RORA: variants seen among roughly 807,000 people sequenced by gnomAD.
RORA encodes the protein RAR related orphan receptor A.
Under a neutral mutation model 69.5 loss-of-function variants are expected in RORA, and 7 were observed. The ratio of observed to expected loss-of-function variants is 0.10; its 90% CI spans 0.06 to 0.19. The LOEUF (loss-of-function observed/expected upper bound fraction) is 0.19, where lower values mean the gene tolerates loss of function less well. Among genes scored for constraint, RORA ranks in the 10% least tolerant of loss-of-function variants. The pLI is 1.00. For missense variants in RORA, 457 were observed against 663.0 expected, an observed-to-expected ratio of 0.69 and a Z score of 3.41; for synonymous variants, 261 against 240.8, an observed-to-expected ratio of 1.08 and a Z score of -0.78.
intron 2 of RORA, among the ~76,000 whole-genome samples, chr15:60,605,135 C>A (rs1029626760): frequency 1.3e-5 from 2 of 152,004 alleles, no homozygotes; most frequent in Admixed American, 6.6e-5. Context: ...TTCTGTCAAC[C>A]TAGCTATGTT....
chr15:60,810,458 T>C (rs12441037), intron 1 of RORA, among the ~76,000 whole-genome samples: 10,585 of 150,396 alleles, frequency 0.07, 434 homozygotes, highest in African/African-American at 0.12. Context: ...CCCCTTACAC[T>C]GGGCATTTGA....
chr15:60,939,128 C>T (rs1213546070), intron 1 of RORA, among the ~76,000 whole-genome samples: 1 of 152,238 alleles, frequency 6.6e-6, no homozygotes, highest in African/African-American at 2.4e-5. Context: ...TCCACTTTGG[C>T]CTTAGTGCTC....
chr15:61,003,152 A>T (rs1008452614), intron 1 of RORA, among the ~76,000 whole-genome samples: 1 of 151,844 alleles, frequency 6.6e-6, no homozygotes, highest in Non-Finnish European at 1.5e-5. Flanking sequence ...AAAAAAAGGA[A>T]AAAAAAGAAA....
At chr15:61,118,421 G>C (rs933377799) in intron 1 of RORA, among the ~76,000 whole-genome samples, 3 of 152,170 alleles carry the variant, frequency 2.0e-5, no homozygotes, top group African/African-American at 7.2e-5. Context: ...GAGTTCTTTT[G>C]CATCTCTGGT....
At chr15:60,832,798 C>T (rs1241471461) in intron 1 of RORA, among the ~76,000 whole-genome samples, 2 of 152,104 alleles carry the variant, frequency 1.3e-5, no homozygotes, top group Admixed American at 6.6e-5. Context: ...GACTGAAGTC[C>T]GAGGCTTTAC....
At chr15:60,540,183 T>C (rs971162130) in intron 2 of RORA, among the ~76,000 whole-genome samples, 15 of 152,304 alleles carry the variant, frequency 9.8e-5, no homozygotes, top group Admixed American at 2.6e-4. Context: ...TCAACCTCAC[T>C]CTAGATACCA....
chr15:60,634,571 AT>A (rs1596083233), intron 2 of RORA, among the ~76,000 whole-genome samples: 1 of 148,404 alleles, frequency 6.7e-6, no homozygotes, highest in East Asian at 1.9e-4. Flanking sequence ...CGCCCGGCTA[AT>A]TTTTGTGTTT....
intron 1 of RORA, among the ~76,000 whole-genome samples, chr15:60,707,666 G>A (rs1020315024): frequency 1.3e-5 from 2 of 152,110 alleles, no homozygotes; most frequent in Non-Finnish European, 2.9e-5. Context: ...CCTGGCCCAC[G>A]GTCATCTATT....
chr15:61,223,834 GA>G (rs1392547457), intron 1 of RORA, among the ~76,000 whole-genome samples: 1 of 152,126 alleles, frequency 6.6e-6, no homozygotes, highest in Non-Finnish European at 1.5e-5. Flanking sequence ...CACCCTTAGA[GA>G]AAAATCATGG....
At chr15:60,603,301 T>C (rs1389089505) in intron 2 of RORA, among the ~76,000 whole-genome samples, 1 of 152,230 alleles carries the variant, frequency 6.6e-6, no homozygotes. Context: ...TGTTAGATCA[T>C]ATGGGATGGA....
chr15:60,741,547 G>T (rs1197793552), intron 1 of RORA, among the ~76,000 whole-genome samples: 1 of 152,190 alleles, frequency 6.6e-6, no homozygotes, highest in Non-Finnish European at 1.5e-5. Flanking sequence ...TCAGAGGGTT[G>T]TGTTCCAGGG....
intron 1 of RORA, among the ~76,000 whole-genome samples, chr15:60,929,465 G>A (rs903669450): frequency 1.3e-5 from 2 of 152,200 alleles, no homozygotes; most frequent in South Asian, 4.1e-4. Flanking sequence ...GAGCAACGAG[G>A]TTATTTCCAT....
intron 1 of RORA, among the ~76,000 whole-genome samples, chr15:61,205,777 C>G (rs1357219504): frequency 6.6e-6 from 1 of 152,152 alleles, no homozygotes; most frequent in South Asian, 2.1e-4. Flanking sequence ...CTGCTTGCTA[C>G]CTCCCACCTC....
chr15:60,920,793 C>T (rs144075056), intron 1 of RORA, among the ~76,000 whole-genome samples: 4,133 of 152,256 alleles, frequency 0.027, 74 homozygotes, highest in Non-Finnish European at 0.042. Context: ...ATAGTTTAAA[C>T]AATTATGTTC....
chr15:60,593,931 C>T (rs1416898779), intron 2 of RORA, among the ~76,000 whole-genome samples: 4 of 152,148 alleles, frequency 2.6e-5, no homozygotes, highest in Non-Finnish European at 5.9e-5. Flanking sequence ...CATACACTCC[C>T]TCCCCAGCCC....
chr15:60,750,274 G>C (rs956691275), intron 1 of RORA, among the ~76,000 whole-genome samples: 4 of 152,104 alleles, frequency 2.6e-5, no homozygotes, highest in South Asian at 2.1e-4. Flanking sequence ...AGCTGAGAAA[G>C]GACTCACTCT....
At chr15:61,021,840 C>T (rs577199759) in intron 1 of RORA, among the ~76,000 whole-genome samples, 5 of 152,282 alleles carry the variant, frequency 3.3e-5, no homozygotes, top group East Asian at 1.9e-4. Context: ...ATCCTACCTG[C>T]GGTTCTAGCC....
At chr15:60,886,958 A>G (rs1018829732) in intron 1 of RORA, among the ~76,000 whole-genome samples, 1 of 152,192 alleles carries the variant, frequency 6.6e-6, no homozygotes, top group Non-Finnish European at 1.5e-5. Flanking sequence ...CCAACAGCCC[A>G]CTAGAACAAC....
intron 2 of RORA, among the ~76,000 whole-genome samples, chr15:60,629,934 G>A (rs2069696222): frequency 6.6e-6 from 1 of 152,214 alleles, no homozygotes; most frequent in African/African-American, 2.4e-5. Flanking sequence ...AGGCAAGGGT[G>A]GAACCCAGCC....
Sources: gnomAD v4.1 joint callset for allele counts (sites outside exome capture counted in the v4.1 genomes callset) on GRCh38, gnomAD v4.1.1 for gene constraint, MANE v1.5 for transcripts, NCBI Gene and HGNC (gene_info 2026-07-23, HGNC 2026-07-21) for gene names.